Variants in RBM6 observed in about 807,000 individuals in gnomAD.
RBM6 encodes RNA-binding protein 6.
A neutral mutation model predicts 140.4 loss-of-function variants in RBM6; 23 were observed. That is an observed-to-expected ratio of 0.16 (90% CI 0.12 to 0.23). RBM6 has a LOEUF of 0.23. Ranked by LOEUF, RBM6 falls within the 10% of genes least tolerant of loss-of-function variation. The probability of loss-of-function intolerance (pLI) is 1.00; values close to 1 mark genes in which losing one functional copy is unlikely to be tolerated. For missense variants in RBM6, 1,139 were observed against 1,386.7 expected (o/e 0.82, Z 2.84); for synonymous variants, 439 against 475.6 (o/e 0.92, Z 1.00).
At chr3:50,072,088 A>C (rs2090319998) in intron 19 of RBM6, among the ~76,000 whole-genome samples, 1 of 145,208 alleles carries the variant, frequency 6.9e-6, no homozygotes, top group African/African-American at 2.5e-5. Context: ...TGTCTCAAAA[A>C]AAAAAAAAAA....
intron 5 of RBM6, among the ~76,000 whole-genome samples, chr3:49,995,226 A>AT (rs1348350267): frequency 1.4e-4 from 21 of 151,406 alleles, no homozygotes; most frequent in African/African-American, 4.1e-4. Context: ...ACCTTTATAG[A>AT]TTTTTTCCCC....
intron 1 of RBM6, among the ~76,000 whole-genome samples, chr3:49,955,860 C>CTGTG (rs146300035): frequency 0.025 from 3,689 of 145,514 alleles, 79 homozygotes; most frequent in African/African-American, 0.064. Flanking sequence ...CTCTCTCTCT[C>CTGTG]TGTGTGTGTG....
rs1247513839 is a variant in RBM6, at chr3:49,967,996, T to G, written c.571T>G (p.Ser191Ala). ...TTTAGATTTTAGAGGCCGGGATGGATCCCATGCAGATTTTAGGGGAAGGGA... is the reference window on the plus strand; with the variant it reads ...TTTAGATTTTAGAGGCCGGGATGGAGCCCATGCAGATTTTAGGGGAAGGGA... ...YDLDFRGRDG[S>A]HADFRGRDLS... The change falls in exon 3 of 21, where the codon TCC (serine) becomes GCC (alanine). Residue 191 changes from serine (S) to alanine (A), a missense_variant. By Grantham distance (99) the Ser-to-Ala change is moderately conservative. Coordinates refer to ENST00000266022, the MANE Select transcript of RBM6 (RefSeq NM_005777.3). This position sits in a 1 kb window ranked among gnomAD's most constrained non-coding sequence, Gnocchi z 4.0. 2 of 1,614,008 alleles carry G rather than the reference T, an allele frequency of 1.2e-6. No individual in the cohort carries two copies. The highest frequency in any genetic ancestry group is 1.7e-6 in the Non-Finnish European group (2 of 1,180,024).
chr3:50,003,132 G>GAATA (rs894821259), intron 6 of RBM6, among the ~76,000 whole-genome samples: 64 of 151,272 alleles, frequency 4.2e-4, no homozygotes, highest in Non-Finnish European at 6.0e-4. Context: ...CAATAAAATT[G>GAATA]AATAAATAAA....
chr3:50,076,049 A>G (rs1289328481), intron 20 of RBM6, among the ~76,000 whole-genome samples: 1 of 150,582 alleles, frequency 6.6e-6, no homozygotes. Context: ...GCTCACTGCA[A>G]CCTCCTCCTC....
chr3:49,985,623 T>C (rs2085515660), intron 5 of RBM6, among the ~76,000 whole-genome samples: 1 of 152,200 alleles, frequency 6.6e-6, no homozygotes, highest in Non-Finnish European at 1.5e-5. Context: ...TATTTTTATT[T>C]TGAGATAGAG....
chr3:50,076,747 G>A lies in RBM6; in HGVS notation c.3247-261G>A, dbSNP rs187755845. Among the ~76,000 whole-genome samples the A allele has an allele frequency of 3.6e-3, 541 of 151,916 alleles. 4 individuals are homozygous for A. Among genetic ancestry groups the A allele is most frequent in the African/African-American group, 0.012 (493 of 41,424 alleles). On this transcript the variant is annotated intron_variant, in intron 20 of 20. Transcript: ENST00000266022. ...CTAAAAATACAAAAATTAGCCGGGCGTGGTGGCAGGCGCCTGTAGTCCCAG... is the reference window on the plus strand; with the variant it reads ...CTAAAAATACAAAAATTAGCCGGGCATGGTGGCAGGCGCCTGTAGTCCCAG...
At chr3:50,058,621 G>A (rs1473620526) in intron 10 of RBM6, 59 bp downstream of exon 10, 1 of 1,504,758 alleles carries the variant, frequency 6.6e-7, no homozygotes, top group African/African-American at 1.4e-5. Context: ...CCTTCAAGAA[G>A]GTTTGACTGG....
chr3:50,020,606 A>G (rs1200351306), intron 6 of RBM6, among the ~76,000 whole-genome samples: 9 of 152,150 alleles, frequency 5.9e-5, no homozygotes, highest in Admixed American at 5.2e-4. Context: ...CATACAGTTA[A>G]TGATGGGGAT....
chr3:50,039,495 C>G (rs909363087), intron 6 of RBM6, among the ~76,000 whole-genome samples: 1 of 125,488 alleles, frequency 8.0e-6, no homozygotes, highest in Non-Finnish European at 1.7e-5. Context: ...CCCCCCCCCC[C>G]CACCCTTGGT....
At chr3:50,014,360 T>G (rs1461761550) in intron 6 of RBM6, among the ~76,000 whole-genome samples, 1 of 152,174 alleles carries the variant, frequency 6.6e-6, no homozygotes, top group Non-Finnish European at 1.5e-5. Context: ...ATAAACATTC[T>G]TAAAATATAC....
chr3:50,016,067 G>A (rs1243118104), intron 6 of RBM6, among the ~76,000 whole-genome samples: 1 of 152,094 alleles, frequency 6.6e-6, no homozygotes, highest in African/African-American at 2.4e-5. Context: ...TATACTCTTT[G>A]ACTAACATTC....
chr3:50,011,599 CAT>C (rs1487148085), intron 6 of RBM6, among the ~76,000 whole-genome samples: 1 of 152,064 alleles, frequency 6.6e-6, no homozygotes, highest in African/African-American at 2.4e-5. Context: ...GTGCTCTCCA[CAT>C]ATGTCTTTCT....
chr3:49,945,131 T>C (rs1442421231), intron 1 of RBM6, among the ~76,000 whole-genome samples: 1 of 149,880 alleles, frequency 6.7e-6, no homozygotes, highest in Non-Finnish European at 1.5e-5. Flanking sequence ...CGCCTTGGCC[T>C]CCCAAAGTGC....
chr3:49,977,959 A>G lies in RBM6; in HGVS notation c.1483+2567A>G, dbSNP rs144089998. The stretch of plus-strand genomic sequence containing the variant: ...TAGCAAGACCTTGTCTCTTAAAAAG[A>G]AAAAGAAAAAAAAATGTGAATCTTA... On this transcript the variant is annotated intron_variant, in intron 5 of 20. Coordinates refer to ENST00000266022, the MANE Select transcript of RBM6 (RefSeq NM_005777.3). Among the ~76,000 whole-genome samples the G allele has an allele frequency of 1.7e-3, 257 of 152,260 alleles. 2 individuals carry two copies. The highest frequency in any genetic ancestry group is 5.8e-3 in the African/African-American group (242 of 41,554).
intron 2 of RBM6, among the ~76,000 whole-genome samples, chr3:49,966,379 G>T (rs1206074953): frequency 1.3e-5 from 2 of 152,206 alleles, no homozygotes; most frequent in Non-Finnish European, 1.5e-5. Context: ...ATGTCTCCCT[G>T]CCTAGGATCC....
At chr3:50,007,571 C>T (rs894093518) in intron 6 of RBM6, among the ~76,000 whole-genome samples, 2 of 151,146 alleles carry the variant, frequency 1.3e-5, no homozygotes, top group South Asian at 2.1e-4. Flanking sequence ...CTGGCTCTGT[C>T]GCCCAGGTTG....
intron 6 of RBM6, among the ~76,000 whole-genome samples, chr3:50,011,582 A>G (rs1486638753): frequency 6.6e-6 from 1 of 152,206 alleles, no homozygotes; most frequent in African/African-American, 2.4e-5. Flanking sequence ...GATTGCAGCT[A>G]GAATGTGTGC....
chr3:49,999,501 G>A lies in RBM6; in HGVS notation c.1545G>A (p.Met515Ile). ...FSLLEDAIGC[M>I]EANQGTLMIQ... Reference sequence around the variant, plus strand: ...TCTTGGAAGATGCCATCGGATGCATGGAGGCCAACCAGGTTGCTTTATACT... The same window carrying A: ...TCTTGGAAGATGCCATCGGATGCATAGAGGCCAACCAGGTTGCTTTATACT... Residue 515 changes from methionine (M) to isoleucine (I), a missense_variant, in exon 6 of 21, where the codon ATG becomes ATA. Physicochemically the swap from Met to Ile is conservative, Grantham distance 10. This residue lies in a region of RBM6 where 58 missense variants were observed against 99.7 expected (regional missense o/e 0.58). Coordinates refer to ENST00000266022, the MANE Select transcript of RBM6 (RefSeq NM_005777.3). 1 of 1,613,162 alleles carries A rather than the reference G, an allele frequency of 6.2e-7. No individual in the cohort carries two copies. The highest frequency in any genetic ancestry group is 2.2e-5 in the East Asian group (1 of 44,868).
Sources: gnomAD v4.1 joint callset for allele counts (sites outside exome capture counted in the v4.1 genomes callset) on GRCh38, gnomAD v4.1.1 for gene constraint, gnomAD v4.1.1 regional missense constraint, Gnocchi (gnomAD v3.1) non-coding constraint, MANE v1.5 for transcripts, NCBI Gene and HGNC (gene_info 2026-07-23, HGNC 2026-07-21) for gene names.